Variants in RSRC1 observed in about 807,000 individuals in gnomAD.
The protein encoded by RSRC1 is arginine and serine rich coiled-coil 1, also known as serine/Arginine-related protein 53.
A neutral mutation model predicts 49.1 loss-of-function variants in RSRC1; 39 were observed. The ratio of observed to expected loss-of-function variants is 0.79; its 90% CI spans 0.61 to 1.04. RSRC1 has a LOEUF of 1.04. Among genes scored for constraint, RSRC1 ranks in the 50% least tolerant of loss-of-function variants. The pLI, the probability that RSRC1 is intolerant of heterozygous loss-of-function variation, is 0.00. For synonymous variants in RSRC1, 143 were observed against 130.8 expected (o/e 1.09, Z -0.63); for missense variants, 388 against 402.4 (o/e 0.96, Z 0.31).
At chr3:158,518,738 C>G (rs906094842) in intron 7 of RSRC1, among the ~76,000 whole-genome samples, 2 of 152,108 alleles carry the variant, frequency 1.3e-5, no homozygotes, top group African/African-American at 4.8e-5. Context: ...AAACTCTGAG[C>G]AGCATTTAAC....
At chr3:158,110,327 C>G (rs1578089891) in intron 1 of RSRC1, 104 bp downstream of exon 1, 1 of 152,582 alleles carries the variant, frequency 6.6e-6, no homozygotes, top group Non-Finnish European at 1.5e-5. Flanking sequence ...GTTTGCGGCT[C>G]AGTGTCTGTG....
At chr3:158,343,921 A>G (rs758436197) in intron 5 of RSRC1, among the ~76,000 whole-genome samples, 6 of 152,176 alleles carry the variant, frequency 3.9e-5, no homozygotes, top group Non-Finnish European at 7.3e-5. Context: ...AAATTTTCCA[A>G]ATTTGATAAA....
chr3:158,386,708 A>G (rs1469435114), intron 6 of RSRC1, among the ~76,000 whole-genome samples: 1 of 152,050 alleles, frequency 6.6e-6, no homozygotes, highest in Non-Finnish European at 1.5e-5. Context: ...ACAAGGCAGA[A>G]ATGTAGGGTT....
chr3:158,506,151 A>G (rs1166955438), intron 7 of RSRC1, among the ~76,000 whole-genome samples: 1 of 152,204 alleles, frequency 6.6e-6, no homozygotes, highest in Non-Finnish European at 1.5e-5. Context: ...CAATCAACCA[A>G]GTGAAAGACA....
chr3:158,316,594 G>A (rs1256038193), intron 5 of RSRC1, among the ~76,000 whole-genome samples: 1 of 151,686 alleles, frequency 6.6e-6, no homozygotes, highest in Non-Finnish European at 1.5e-5. Context: ...ACAGGCGCCC[G>A]CCACCTCGCC....
chr3:158,462,482 A>G (rs1737665761), intron 7 of RSRC1, among the ~76,000 whole-genome samples: 1 of 152,022 alleles, frequency 6.6e-6, no homozygotes, highest in Admixed American at 6.6e-5. Flanking sequence ...TGTAGTGGTT[A>G]TTAGCCTAAT....
At chr3:158,403,435 A>G (rs1733994558) in intron 6 of RSRC1, among the ~76,000 whole-genome samples, 1 of 151,750 alleles carries the variant, frequency 6.6e-6, no homozygotes, top group Admixed American at 6.6e-5. Context: ...AGTATAGCTT[A>G]TTCTTGGTTT....
At chr3:158,518,326 G>A (rs189554504) in intron 7 of RSRC1, among the ~76,000 whole-genome samples, 10 of 149,118 alleles carry the variant, frequency 6.7e-5, no homozygotes, top group Non-Finnish European at 1.3e-4. Flanking sequence ...TTCCTTGAAC[G>A]TTTGATAGAA....
At chr3:158,493,685 T>C (rs1193995102) in intron 7 of RSRC1, among the ~76,000 whole-genome samples, 2 of 152,104 alleles carry the variant, frequency 1.3e-5, no homozygotes, top group Non-Finnish European at 2.9e-5. Context: ...AAAATGGAAG[T>C]GAGGTACAGA....
rs184667595 is a variant in RSRC1 at position 158,255,132 on chromosome 3, C to T, written c.495-42907C>T. ...GCTTTTGGTGTTTTAGTCATGAAGTCCTTGCCCATGCCTGTGTCCTTAATG... is the reference window on the plus strand; with the variant it reads ...GCTTTTGGTGTTTTAGTCATGAAGTTCTTGCCCATGCCTGTGTCCTTAATG... On this transcript the variant is annotated intron_variant, in intron 4 of 9. Coordinates refer to ENST00000611884, the MANE Select transcript of RSRC1 (RefSeq NM_001271838.2). Among the ~76,000 whole-genome samples the T allele has an allele frequency of 3.6e-3, 553 of 152,218 alleles. 3 individuals are homozygous for T. Among genetic ancestry groups the T allele is most frequent in the East Asian group, 8.1e-3 (42 of 5,174 alleles).
intron 5 of RSRC1, among the ~76,000 whole-genome samples, chr3:158,310,508 T>G (rs947024803): frequency 1.6e-4 from 25 of 151,834 alleles, no homozygotes; most frequent in African/African-American, 6.0e-4. Context: ...ATACAAATCT[T>G]GATTACATAG....
At chr3:158,413,062 A>G (rs12638169) in intron 6 of RSRC1, among the ~76,000 whole-genome samples, 79,099 of 152,010 alleles carry the variant, frequency 0.52, 21,030 homozygotes, top group African/African-American at 0.61. Context: ...AACAAAGCTG[A>G]AGGAATCATG....
At chr3:158,402,824 T>A (rs1189053476) in intron 6 of RSRC1, among the ~76,000 whole-genome samples, 1 of 151,898 alleles carries the variant, frequency 6.6e-6, no homozygotes, top group African/African-American at 2.4e-5. Context: ...TCTGTTGTCC[T>A]CATTGGTTGG....
intron 3 of RSRC1, among the ~76,000 whole-genome samples, chr3:158,163,541 C>CT (rs978708621): frequency 1.3e-5 from 2 of 152,006 alleles, no homozygotes; most frequent in East Asian, 3.9e-4. Context: ...GAATTACGTA[C>CT]TTTTTTTGTT....
chr3:158,423,792 A>T (rs1016939833), intron 6 of RSRC1, among the ~76,000 whole-genome samples: 9 of 152,030 alleles, frequency 5.9e-5, no homozygotes, highest in African/African-American at 1.7e-4. Context: ...GGTCCTTCAC[A>T]TCCCTTGTAA....
At chr3:158,238,283 C>A (rs562657690) in intron 4 of RSRC1, among the ~76,000 whole-genome samples, 1 of 152,280 alleles carries the variant, frequency 6.6e-6, no homozygotes, top group East Asian at 1.9e-4. Context: ...TGAAAATGGC[C>A]ACACTGCCCA....
intron 4 of RSRC1, among the ~76,000 whole-genome samples, chr3:158,236,726 A>C (rs1578227962): frequency 6.6e-6 from 1 of 152,242 alleles, no homozygotes; most frequent in East Asian, 1.9e-4. Context: ...GGGAAAAGTC[A>C]AATAAAATAT....
At chr3:158,177,551 C>G (rs1467772684) in intron 3 of RSRC1, among the ~76,000 whole-genome samples, 5 of 151,698 alleles carry the variant, frequency 3.3e-5, no homozygotes, top group Non-Finnish European at 5.9e-5. Context: ...GACAGAAAAC[C>G]AAACACCGTA....
chr3:158,360,750 G>A (rs1731421098), intron 6 of RSRC1, among the ~76,000 whole-genome samples: 1 of 152,206 alleles, frequency 6.6e-6, no homozygotes, highest in Non-Finnish European at 1.5e-5. Flanking sequence ...AGAGAGGCCA[G>A]GCAGCAGGAG....
Sources: gnomAD v4.1 joint callset for allele counts (sites outside exome capture counted in the v4.1 genomes callset) on GRCh38, gnomAD v4.1.1 for gene constraint, MANE v1.5 for transcripts, NCBI Gene and HGNC (gene_info 2026-07-23, HGNC 2026-07-21) for gene names.